Variants in PTPRD observed in about 807,000 individuals in gnomAD.
PTPRD encodes protein tyrosine phosphatase receptor type D.
A neutral mutation model predicts 214.5 loss-of-function variants in PTPRD; 34 were observed. The ratio of observed to expected loss-of-function variants is 0.16; its 90% CI spans 0.12 to 0.21. PTPRD has a LOEUF of 0.21. Ranked by LOEUF, PTPRD falls within the 10% of genes least tolerant of loss-of-function variation. The probability of loss-of-function intolerance (pLI) is 1.00; values close to 1 mark genes in which losing one functional copy is unlikely to be tolerated. For synonymous variants in PTPRD, 1,128 were observed against 845.7 expected (o/e 1.33, Z -5.79); for missense variants, 2,545 against 2,398.7 (o/e 1.06, Z -1.27).
chr9:10,122,303 A>G (rs2098782549), intron 3 of PTPRD, among the ~76,000 whole-genome samples: 1 of 152,150 alleles, frequency 6.6e-6, no homozygotes, highest in Admixed American at 6.5e-5. Flanking sequence ...GCAAAACTCC[A>G]TCTCAAAAAA....
At chr9:8,899,876 G>A (rs1415956912) in intron 11 of PTPRD, among the ~76,000 whole-genome samples, 1 of 152,166 alleles carries the variant, frequency 6.6e-6, no homozygotes, top group Non-Finnish European at 1.5e-5. Context: ...CATTCAAAGA[G>A]CAACAAGTAT....
At chr9:9,450,948 CAT>C (rs1190238716) in intron 8 of PTPRD, among the ~76,000 whole-genome samples, 10 of 124,480 alleles carry the variant, frequency 8.0e-5, no homozygotes, top group African/African-American at 2.1e-4. Context: ...TACATACATA[CAT>C]ACACACACAC....
intron 3 of PTPRD, among the ~76,000 whole-genome samples, chr9:10,294,566 G>C (rs1034761184): frequency 6.6e-6 from 1 of 151,772 alleles, no homozygotes; most frequent in Non-Finnish European, 1.5e-5. Context: ...CATTTGTTTT[G>C]ATTTTATGCA....
intron 11 of PTPRD, among the ~76,000 whole-genome samples, chr9:8,956,920 C>G (rs532371061): frequency 6.6e-6 from 1 of 151,962 alleles, no homozygotes; most frequent in Non-Finnish European, 1.5e-5. Flanking sequence ...TTTTTTGAAA[C>G]TCTGCAGATG....
At chr9:9,920,985 G>T (rs767681919) in intron 5 of PTPRD, among the ~76,000 whole-genome samples, 4 of 152,046 alleles carry the variant, frequency 2.6e-5, no homozygotes, top group African/African-American at 4.8e-5. Flanking sequence ...AGGCACTAAG[G>T]CTTATCAATT....
chr9:9,428,807 G>C (rs139552337), intron 8 of PTPRD, among the ~76,000 whole-genome samples: 242 of 152,142 alleles, frequency 1.6e-3, no homozygotes, highest in African/African-American at 5.4e-3. Context: ...ATGACTACTG[G>C]GTACATAAAG....
intron 12 of PTPRD, among the ~76,000 whole-genome samples, chr9:8,683,668 G>C (rs1596893828): frequency 2.6e-5 from 4 of 152,296 alleles, no homozygotes; most frequent in Admixed American, 2.6e-4. Flanking sequence ...GCAGTGGGGA[G>C]TCTATTCCCT....
intron 5 of PTPRD, among the ~76,000 whole-genome samples, chr9:9,935,504 GA>G (rs570009338): frequency 9.8e-4 from 149 of 152,114 alleles, no homozygotes; most frequent in African/African-American, 3.5e-3. Context: ...AAATACCTAG[GA>G]ATTCAACTTA....
chr9:10,139,188 G>C (rs1181683063), intron 3 of PTPRD, among the ~76,000 whole-genome samples: 1 of 151,984 alleles, frequency 6.6e-6, no homozygotes, highest in Non-Finnish European at 1.5e-5. Flanking sequence ...AATTACTTCA[G>C]TGCAGCTTCA....
rs552411675 is a variant in PTPRD at position 9,738,057 on chromosome 9, A to C, written c.-325-3486T>G. Reference sequence around the variant, plus strand: ...CATAGTTGGGAATTGAACAACGAGAACACGTGGACACAGGAAGGGGAACAT... The same window carrying C: ...CATAGTTGGGAATTGAACAACGAGACCACGTGGACACAGGAAGGGGAACAT... On this transcript the variant is annotated intron_variant, in intron 6 of 45. Coordinates refer to ENST00000381196, the MANE Select transcript of PTPRD (RefSeq NM_002839.4). 2.0e-5 allele frequency among the ~76,000 whole-genome samples: 3 copies of C among 151,784 alleles called. No homozygotes were observed. In the East Asian group the frequency reaches 5.9e-4, roughly 30 times the overall value.
intron 10 of PTPRD, among the ~76,000 whole-genome samples, chr9:9,062,316 A>T (rs547491357): frequency 5.9e-5 from 9 of 152,198 alleles, no homozygotes; most frequent in Non-Finnish European, 1.2e-4. Flanking sequence ...CACTGCATGG[A>T]CACGACTAAT....
intron 10 of PTPRD, among the ~76,000 whole-genome samples, chr9:9,024,357 T>TGG (rs1554639643): frequency 1.3e-5 from 1 of 78,094 alleles, no homozygotes; most frequent in African/African-American, 3.1e-5. Flanking sequence ...TGTTTGTTTT[T>TGG]TTTTTTTTCC....
intron 8 of PTPRD, among the ~76,000 whole-genome samples, chr9:9,414,465 AG>A (rs2076409913): frequency 6.6e-6 from 1 of 152,226 alleles, no homozygotes; most frequent in African/African-American, 2.4e-5. Flanking sequence ...CATTTAGGGA[AG>A]GACGGCCTTA....
At chr9:9,273,646 C>T (rs1359412414) in intron 9 of PTPRD, among the ~76,000 whole-genome samples, 1 of 151,174 alleles carries the variant, frequency 6.6e-6, no homozygotes, top group East Asian at 2.0e-4. Context: ...GAGTGTCTAC[C>T]CAGGCTGACT....
At chr9:9,542,406 G>C (rs1461277842) in intron 8 of PTPRD, among the ~76,000 whole-genome samples, 1 of 151,430 alleles carries the variant, frequency 6.6e-6, no homozygotes, top group Non-Finnish European at 1.5e-5. Flanking sequence ...TCTTATACAG[G>C]ACACAAAAGC....
At chr9:8,676,122 T>G (rs1479485655) in intron 12 of PTPRD, among the ~76,000 whole-genome samples, 1 of 152,174 alleles carries the variant, frequency 6.6e-6, no homozygotes. Flanking sequence ...CCTAATACTT[T>G]TTTGTATATT....
At chr9:8,977,589 T>G (rs898216458) in intron 11 of PTPRD, among the ~76,000 whole-genome samples, 1 of 152,054 alleles carries the variant, frequency 6.6e-6, no homozygotes, top group African/African-American at 2.4e-5. Flanking sequence ...TTTGTTTAAA[T>G]GTCATCCCAA....
chr9:10,413,610 A>C (rs1325494753), intron 2 of PTPRD, among the ~76,000 whole-genome samples: 1 of 151,904 alleles, frequency 6.6e-6, no homozygotes, highest in African/African-American at 2.4e-5. Flanking sequence ...AAAACTATTT[A>C]AAAATTTATA....
chr9:8,339,396 C>A (rs539059204), intron 42 of PTPRD, among the ~76,000 whole-genome samples: 2 of 152,094 alleles, frequency 1.3e-5, no homozygotes, highest in Non-Finnish European at 2.9e-5. Flanking sequence ...CAATGCTGGC[C>A]ATGACAATAA....
Sources: allele counts gnomAD v4.1 joint callset (sites outside exome capture counted in the v4.1 genomes callset), GRCh38; gene constraint gnomAD v4.1.1; transcripts MANE v1.5; gene names NCBI Gene and HGNC (gene_info 2026-07-23, HGNC 2026-07-21).